PUDP: variants seen among roughly 807,000 people sequenced by gnomAD.
The protein encoded by PUDP is pseudouridine-5'-phosphatase.
PUDP carries 8 observed loss-of-function variants against 9.4 expected under a neutral mutation model. The observed-to-expected ratio is 0.85, with a 90% CI of 0.50 to 1.53. PUDP has a LOEUF of 1.53. PUDP is among the 40% of genes most tolerant of loss of function. PUDP has a pLI of 0.00. For synonymous variants in PUDP, 99 were observed against 80.7 expected, an observed-to-expected ratio of 1.23 and a Z score of -1.22; for missense variants, 188 against 189.7, an observed-to-expected ratio of 0.99 and a Z score of 0.05.
Position 6,852,594 on chromosome X carries a change from T to C in PUDP, c.*247+124539A>G, listed in dbSNP as rs186039814. Among the ~76,000 whole-genome samples the C allele has an allele frequency of 4.9e-3, 474 of 96,237 alleles. 4 individuals are homozygous for C. Among genetic ancestry groups the C allele is most frequent in the African/African-American group, 0.016 (446 of 28,235 alleles). The allele number at this position is 96,237 out of a possible 115,157, so 83.6% of individuals were successfully genotyped here. On this transcript the variant is annotated intron_variant and NMD_transcript_variant, in intron 3 of 3. Transcript: ENST00000655425. The stretch of plus-strand genomic sequence containing the variant: ...CAAATTCATTCTCAAACAATAATTG[T>C]GAAAACCATTCATTAAGCTCACGTC...
intron 3 of PUDP, among the ~76,000 whole-genome samples, chrX:6,867,557 T>C (rs1927107417): frequency 1.8e-5 from 2 of 110,048 alleles, no homozygotes; most frequent in Admixed American, 1.9e-4. Context: ...TGGTTGGTGA[T>C]AATGGTGGAT....
At chrX:6,884,082 C>T (rs994687543) in intron 3 of PUDP, among the ~76,000 whole-genome samples, 99 of 111,792 alleles carry the variant, frequency 8.9e-4, no homozygotes, top group African/African-American at 3.0e-3. Flanking sequence ...CGTCGTGATC[C>T]GCCCGCCTCA....
At chrX:6,877,116 C>T (rs1170864015) in intron 3 of PUDP, among the ~76,000 whole-genome samples, 1 of 109,774 alleles carries the variant, frequency 9.1e-6, no homozygotes, top group East Asian at 2.9e-4. Flanking sequence ...GCCACCATGC[C>T]TGGCTAATTT....
chrX:7,060,680 G>C (rs1930376450), intron 3 of PUDP, among the ~76,000 whole-genome samples: 1 of 112,594 alleles, frequency 8.9e-6, no homozygotes, highest in African/African-American at 3.2e-5. Flanking sequence ...GCTGAATGTG[G>C]CATGACTCAC....
intron 3 of PUDP, among the ~76,000 whole-genome samples, chrX:6,787,921 A>C (rs937067245): frequency 8.9e-6 from 1 of 112,530 alleles, no homozygotes; most frequent in African/African-American, 3.2e-5. Flanking sequence ...TTTGTTCCCA[A>C]AGCCTCTGCT....
chrX:7,145,307 T>G (rs756889466), intron 1 of PUDP, among the ~76,000 whole-genome samples: 1 of 112,237 alleles, frequency 8.9e-6, no homozygotes, highest in Non-Finnish European at 1.9e-5. Flanking sequence ...CTGGCTCAAT[T>G]CTATGAGACA....
intron 3 of PUDP, among the ~76,000 whole-genome samples, chrX:6,741,545 G>C (rs1450660783): frequency 9.0e-6 from 1 of 111,157 alleles, no homozygotes; most frequent in African/African-American, 3.3e-5. Flanking sequence ...GATATATAGA[G>C]ATAGATGGTG....
intron 3 of PUDP, among the ~76,000 whole-genome samples, chrX:6,964,118 C>G (rs1928747491): frequency 8.9e-6 from 1 of 112,171 alleles, no homozygotes; most frequent in African/African-American, 3.2e-5. Flanking sequence ...TATTTACAAA[C>G]AAAGTGCTTT....
At chrX:6,962,693 AG>A (rs1928726242) in intron 3 of PUDP, among the ~76,000 whole-genome samples, 1 of 112,535 alleles carries the variant, frequency 8.9e-6, no homozygotes, top group Non-Finnish European at 1.9e-5. Context: ...GTTAAAGTTT[AG>A]ATGGTTTAAA....
intron 1 of PUDP, among the ~76,000 whole-genome samples, chrX:7,007,640 C>T (rs143177671): frequency 0.013 from 1,452 of 112,445 alleles, 16 homozygotes; most frequent in East Asian, 0.037. Flanking sequence ...CCAGATCCAG[C>T]CATATGAGCA....
chrX:6,990,114 T>A, intron 1 of PUDP, among the ~76,000 whole-genome samples: 1 of 110,088 alleles, frequency 9.1e-6, no homozygotes, highest in Non-Finnish European at 1.9e-5. Context: ...TAGGTTTACA[T>A]GTGCAGGCGC....
intron 3 of PUDP, among the ~76,000 whole-genome samples, chrX:6,752,445 T>C (rs187646578): frequency 9.1e-4 from 102 of 111,935 alleles, no homozygotes; most frequent in African/African-American, 3.2e-3. Flanking sequence ...TATGCAAAGG[T>C]GGCCTGATCC....
chrX:6,846,168 A>AGGCG (rs1926742730), intron 3 of PUDP, among the ~76,000 whole-genome samples: 1 of 110,663 alleles, frequency 9.0e-6, no homozygotes, highest in South Asian at 3.8e-4. Context: ...TGGGAGGCCG[A>AGGCG]GGCGGGCGGG....
At chrX:6,800,454 G>A (rs1233582496) in intron 3 of PUDP, among the ~76,000 whole-genome samples, 1 of 111,476 alleles carries the variant, frequency 9.0e-6, no homozygotes, top group East Asian at 2.8e-4. Flanking sequence ...CACTTAAAAA[G>A]GGGCTATTGG....
At chrX:6,929,047 G>A (rs1158045932) in intron 3 of PUDP, among the ~76,000 whole-genome samples, 7 of 111,992 alleles carry the variant, frequency 6.3e-5, no homozygotes, top group Non-Finnish European at 1.3e-4. Context: ...CCTGTTCATT[G>A]GTATCAATCA....
intron 3 of PUDP, among the ~76,000 whole-genome samples, chrX:6,974,651 C>T (rs1223539321): frequency 9.0e-6 from 1 of 111,640 alleles, no homozygotes; most frequent in Non-Finnish European, 1.9e-5. Context: ...ACATTTTCTC[C>T]TTCATTTCAA....
chrX:6,847,311 T>C (rs2146721011), intron 3 of PUDP, among the ~76,000 whole-genome samples: 1 of 101,058 alleles, frequency 9.9e-6, no homozygotes, highest in South Asian at 5.0e-4. Flanking sequence ...AGTTGTGTAC[T>C]GCCAGTACCC....
intron 3 of PUDP, among the ~76,000 whole-genome samples, chrX:7,050,744 A>C (rs1429099243): frequency 8.9e-6 from 1 of 112,344 alleles, no homozygotes; most frequent in African/African-American, 3.2e-5. Flanking sequence ...GTGAGGCAAG[A>C]TTCTCAGCTT....
chrX:7,016,474 T>C (rs1929550447), intron 1 of PUDP, among the ~76,000 whole-genome samples: 1 of 110,796 alleles, frequency 9.0e-6, no homozygotes, highest in Admixed American at 9.6e-5. Context: ...GGAAAAGAGA[T>C]TGGGTAGCAT....
Sources: gnomAD v4.1 joint callset for allele counts (sites outside exome capture counted in the v4.1 genomes callset) on GRCh38, gnomAD v4.1.1 for gene constraint, MANE v1.5 for transcripts, NCBI Gene and HGNC (gene_info 2026-07-23, HGNC 2026-07-21) for gene names.